The following TCF25 variants were observed in gnomAD, a reference collection of about 807,000 sequenced individuals.
TCF25 encodes TCF25 ribosome quality control complex subunit, also known as ribosome quality control complex subunit TCF25.
A neutral mutation model predicts 83.1 loss-of-function variants in TCF25; 41 were observed. That is an observed-to-expected ratio of 0.49 (90% confidence interval 0.38 to 0.64). The LOEUF is 0.64. TCF25 is among the 30% of genes least tolerant of loss of function. The probability of loss-of-function intolerance (pLI) is 0.00; values close to 1 mark genes in which losing one functional copy is unlikely to be tolerated. For missense variants in TCF25, 979 were observed against 914.5 expected, an observed-to-expected ratio of 1.07 and a Z score of -0.91; for synonymous variants, 458 against 365.0, an observed-to-expected ratio of 1.25 and a Z score of -2.90.
intron 2 of TCF25, chr16:89,883,789 G>A (rs2042778656): frequency 2.7e-6 from 1 of 365,214 alleles, no homozygotes; most frequent in South Asian, 3.8e-5. Context: ...AACCGCGCAC[G>A]TGTGTCCCTC....
intron 12 of TCF25, among the ~76,000 whole-genome samples, chr16:89,902,674 G>T (rs1237923210): frequency 6.9e-6 from 1 of 144,290 alleles, no homozygotes; most frequent in South Asian, 2.2e-4. Context: ...GGGCAACATA[G>T]CGAGACTCCG....
intron 1 of TCF25, among the ~76,000 whole-genome samples, chr16:89,876,124 T>A (rs951614386): frequency 6.6e-6 from 1 of 152,176 alleles, no homozygotes; most frequent in African/African-American, 2.4e-5. Flanking sequence ...CCTTGTGGAC[T>A]TTCTGGAGTG....
chr16:89,894,860 G>A (rs1241403293), intron 7 of TCF25, 178 bp from the exon 8 acceptor site: 5 of 507,468 alleles, frequency 9.9e-6, no homozygotes, highest in South Asian at 2.2e-5. Context: ...GGCCAGGCTG[G>A]TCTTGAACTC....
intron 1 of TCF25, among the ~76,000 whole-genome samples, chr16:89,883,058 G>T (rs570295437): frequency 6.6e-6 from 1 of 152,318 alleles, no homozygotes; most frequent in Admixed American, 6.5e-5. Context: ...CTCTGTAAAT[G>T]GAGTAAATTA....
intron 5 of TCF25, chr16:89,889,205 A>AT: frequency 2.5e-6 from 1 of 397,050 alleles, no homozygotes; most frequent in Non-Finnish European, 4.9e-6. Flanking sequence ...TTATTTATTT[A>AT]TTTTTATTTT....
intron 16 of TCF25, among the ~76,000 whole-genome samples, chr16:89,908,808 C>CTCCCAGCTCCCAGCTCCCAGCTCCCAG (rs1567746838): frequency 8.1e-6 from 1 of 123,444 alleles, no homozygotes; most frequent in African/African-American, 3.9e-5. Context: ...CCAGCTCCCA[C>CTCCCAGCTCCCAGCTCCCAGCTCCCAG]CTCGCAGCTC....
At chr16:89,884,864 C>G (rs148896837) in intron 3 of TCF25, among the ~76,000 whole-genome samples, 1 of 89,642 alleles carries the variant, frequency 1.1e-5, no homozygotes. Flanking sequence ...CTGACGCCCT[C>G]TCCCTCTGCC....
chr16:89,889,780 C>G (rs2043284205), intron 5 of TCF25: 1 of 152,854 alleles, frequency 6.5e-6, no homozygotes, highest in African/African-American at 2.4e-5. Flanking sequence ...GAACTCCCAA[C>G]CTCAGGTGAT....
chr16:89,894,767 T>G (rs574889092), intron 7 of TCF25, among the ~76,000 whole-genome samples: 1 of 152,192 alleles, frequency 6.6e-6, no homozygotes, highest in East Asian at 1.9e-4. Flanking sequence ...GCCTCAGCCT[T>G]CCGAGTAACT....
intron 12 of TCF25, among the ~76,000 whole-genome samples, chr16:89,902,485 C>T (rs1247022521): frequency 2.0e-4 from 26 of 129,522 alleles, no homozygotes; most frequent in African/African-American, 6.5e-4. Flanking sequence ...GTCAGGAGAT[C>T]GAGACCATCC....
intron 16 of TCF25, among the ~76,000 whole-genome samples, chr16:89,908,596 C>T (rs377132157): frequency 0.078 from 4,872 of 62,608 alleles, 130 homozygotes; most frequent in African/African-American, 0.15. Flanking sequence ...TCCCAGCTCC[C>T]GCCTCCCTCC....
intron 1 of TCF25, 96 bp from the exon 2 acceptor site, chr16:89,883,255 C>G: frequency 6.6e-7 from 1 of 1,521,346 alleles, no homozygotes; most frequent in Non-Finnish European, 8.9e-7. Context: ...CTGGGGGTCC[C>G]CAACGCAAGC....
At chr16:89,877,879 A>C (rs1304982150) in intron 1 of TCF25, among the ~76,000 whole-genome samples, 1 of 152,332 alleles carries the variant, frequency 6.6e-6, no homozygotes, top group East Asian at 1.9e-4. Context: ...AGATTAGACA[A>C]ATGGGCAAGT....
At chr16:89,910,422 G>A (rs372429638) in intron 16 of TCF25, 169 bp from the exon 17 acceptor site, 7 of 659,640 alleles carry the variant, frequency 1.1e-5, no homozygotes, top group South Asian at 1.8e-5. Context: ...GAAGCCTCAC[G>A]GGCCACCCGG....
chr16:89,887,345 T>C (rs1279754567), intron 4 of TCF25, among the ~76,000 whole-genome samples: 1 of 150,018 alleles, frequency 6.7e-6, no homozygotes, highest in Non-Finnish European at 1.5e-5. Context: ...GACGCAGTAG[T>C]GTAGTCCCAG....
chr16:89,907,675 A>T (rs1472439375), intron 16 of TCF25, among the ~76,000 whole-genome samples: 5 of 15,618 alleles, frequency 3.2e-4, no homozygotes, highest in Admixed American at 8.6e-4. Flanking sequence ...CCCTCCTCCC[A>T]CCTCCCACCT....
chr16:89,910,993 C>T (rs1009899927), intron 17 of TCF25, 87 bp from the exon 18 acceptor site: 68 of 1,553,796 alleles, frequency 4.4e-5, no homozygotes, highest in Middle Eastern at 4.7e-4. Context: ...AGGGCCACCT[C>T]GGGCTCCACA....
chr16:89,898,457 T>C, intron 9 of TCF25, 100 bp from the exon 10 acceptor site: 1 of 1,215,708 alleles, frequency 8.2e-7, no homozygotes, highest in Non-Finnish European at 1.2e-6. Context: ...GCCAGGACGC[T>C]GAGCAGAGGG....
intron 1 of TCF25, among the ~76,000 whole-genome samples, chr16:89,875,213 T>C (rs1597242996): frequency 6.6e-6 from 1 of 152,208 alleles, no homozygotes; most frequent in Non-Finnish European, 1.5e-5. Flanking sequence ...AAAAATGATA[T>C]CACATTATTT....
Sources: allele counts gnomAD v4.1 joint callset (sites outside exome capture counted in the v4.1 genomes callset), GRCh38; gene constraint gnomAD v4.1.1; transcripts MANE v1.5; gene names NCBI Gene and HGNC (gene_info 2026-07-23, HGNC 2026-07-21).